Variants in CHN2 observed in about 807,000 individuals in gnomAD.
The protein encoded by CHN2 is beta-chimaerin.
In CHN2, 35 loss-of-function variants were observed where a neutral mutation model predicts 56.3. That is an observed-to-expected ratio of 0.62 (90% CI 0.47 to 0.82). CHN2 has a LOEUF of 0.82. Ranked by LOEUF, CHN2 falls within the 40% of genes least tolerant of loss-of-function variation. CHN2 has a pLI of 0.00. For synonymous variants in CHN2, 210 were observed against 212.8 expected, an observed-to-expected ratio of 0.99 and a Z score of 0.12; for missense variants, 491 against 580.5, an observed-to-expected ratio of 0.85 and a Z score of 1.58.
intron 1 of CHN2, among the ~76,000 whole-genome samples, chr7:29,280,728 T>C (rs1170013799): frequency 1.3e-5 from 2 of 152,200 alleles, no homozygotes; most frequent in African/African-American, 2.4e-5. Flanking sequence ...GGTGTGATCA[T>C]GTGCAAGTCG....
At chr7:29,441,483 T>C (rs1783643348) in intron 6 of CHN2, among the ~76,000 whole-genome samples, 1 of 152,238 alleles carries the variant, frequency 6.6e-6, no homozygotes, top group Non-Finnish European at 1.5e-5. Flanking sequence ...AAATTAAAAC[T>C]TTTGTACATC....
intron 1 of CHN2, among the ~76,000 whole-genome samples, chr7:29,312,335 T>C (rs1794660336): frequency 6.6e-6 from 1 of 152,208 alleles, no homozygotes; most frequent in South Asian, 2.1e-4. Context: ...TTAATTTCCG[T>C]TCCCCTGAAC....
At chr7:29,268,755 A>G (rs1790370603) in intron 1 of CHN2, among the ~76,000 whole-genome samples, 1 of 152,202 alleles carries the variant, frequency 6.6e-6, no homozygotes, top group African/African-American at 2.4e-5. Flanking sequence ...ACCCATCCTC[A>G]GCAGCCTCAC....
intron 1 of CHN2, among the ~76,000 whole-genome samples, chr7:29,232,734 T>A (rs1270806375): frequency 6.6e-6 from 1 of 152,190 alleles, no homozygotes; most frequent in Non-Finnish European, 1.5e-5. Context: ...CACTCACATA[T>A]TTTAGAGTTG....
At chr7:29,235,929 G>A (rs917717441) in intron 1 of CHN2, among the ~76,000 whole-genome samples, 1 of 152,136 alleles carries the variant, frequency 6.6e-6, no homozygotes, top group Non-Finnish European at 1.5e-5. Context: ...ACTACCTATT[G>A]GGTACTATGC....
At position 29,298,026 on chromosome 7, in the gene CHN2, C is replaced by T. The variant is rs73297213; in HGVS notation, c.50-56599C>T. ...GAGGGAGAGAAGGAAGAGCATCTTC[C>T]TTGCATCCCCGAGGCCTTGGTGACT... On this transcript the variant is annotated intron_variant, in intron 1 of 12. Transcript: ENST00000222792. Among the ~76,000 whole-genome samples the T allele has an allele frequency of 9.0e-3, 1,369 of 152,220 alleles. 17 individuals carry two copies. The highest frequency in any genetic ancestry group is 0.032 in the African/African-American group (1,312 of 41,536).
At chr7:29,465,946 G>A (rs908024846) in intron 6 of CHN2, among the ~76,000 whole-genome samples, 2 of 152,230 alleles carry the variant, frequency 1.3e-5, no homozygotes, top group African/African-American at 4.8e-5. Flanking sequence ...GCTCACGCCT[G>A]TGATCCCAGC....
intron 1 of CHN2, chr7:29,212,314 T>G: frequency 7.8e-7 from 1 of 1,286,968 alleles, no homozygotes; most frequent in Non-Finnish European, 1.1e-6. Context: ...AGTGTGGATC[T>G]GGCTTGTCTG....
intron 3 of CHN2, among the ~76,000 whole-genome samples, chr7:29,384,404 T>C (rs989431512): frequency 5.3e-5 from 8 of 152,148 alleles, no homozygotes; most frequent in African/African-American, 1.9e-4. Context: ...AGGCCTTCTT[T>C]TTCCCGACTG....
At chr7:29,375,911 T>C (rs566296597) in intron 3 of CHN2, among the ~76,000 whole-genome samples, 1 of 152,190 alleles carries the variant, frequency 6.6e-6, no homozygotes, top group Non-Finnish European at 1.5e-5. Context: ...AAGGAGCAGG[T>C]GCATAATGCT....
chr7:29,388,018 T>C (rs902453923), intron 3 of CHN2, among the ~76,000 whole-genome samples: 3 of 152,196 alleles, frequency 2.0e-5, no homozygotes, highest in African/African-American at 7.2e-5. Flanking sequence ...TGCTATTAGA[T>C]TGTCAGGTAA....
At chr7:29,342,476 A>G (rs1797116410) in intron 1 of CHN2, among the ~76,000 whole-genome samples, 1 of 152,216 alleles carries the variant, frequency 6.6e-6, no homozygotes, top group South Asian at 2.1e-4. Flanking sequence ...GCCATGATCT[A>G]TGGGTTGCTT....
At chr7:29,458,398 C>T (rs1003489716) in intron 6 of CHN2, among the ~76,000 whole-genome samples, 6 of 152,034 alleles carry the variant, frequency 3.9e-5, no homozygotes, top group African/African-American at 9.6e-5. Flanking sequence ...CACACACACA[C>T]ACACACACAC....
intron 1 of CHN2, among the ~76,000 whole-genome samples, chr7:29,338,920 C>T (rs1289848505): frequency 6.6e-6 from 1 of 152,134 alleles, no homozygotes; most frequent in African/African-American, 2.4e-5. Context: ...TACAAAACAT[C>T]TAACAACGTA....
intron 6 of CHN2, among the ~76,000 whole-genome samples, chr7:29,403,595 T>C (rs1025439101): frequency 2.6e-5 from 4 of 152,038 alleles, no homozygotes; most frequent in Non-Finnish European, 5.9e-5. Flanking sequence ...CCCAGATTTC[T>C]CTCCAGTCAT....
upstream of CHN2, chr7:29,193,845 G>A (rs942001420): frequency 3.9e-5 from 6 of 152,212 alleles, no homozygotes; most frequent in Admixed American, 2.0e-4. Flanking sequence ...GTGTGGGCCT[G>A]ATGACACGTT....
chr7:29,511,674 A>G (rs1268779668), intron 12 of CHN2, among the ~76,000 whole-genome samples: 1 of 152,204 alleles, frequency 6.6e-6, no homozygotes, highest in East Asian at 1.9e-4. Context: ...AAGGAAATAG[A>G]AAGGGATGGC....
Position 29,189,385 on chromosome 7 carries a change from A to C in CHN2, c.274+42425A>C, listed in dbSNP as rs149051378. ...GTAGTAGAGAATGAATATATTGGAT[A>C]TCGTTATGAAAGCAAATTTTCATAG... On this transcript the variant is annotated intron_variant, in intron 2 of 6. Coordinates refer to the CHN2 transcript ENST00000439384. Among the ~76,000 whole-genome samples, 47 of 152,286 alleles carry C rather than the reference A, an allele frequency of 3.1e-4. No homozygotes were observed. The East Asian group carries it at 7.9e-3, about 26-fold the overall frequency.
At chr7:29,231,947 A>G (rs1786748088) in intron 1 of CHN2, among the ~76,000 whole-genome samples, 1 of 152,220 alleles carries the variant, frequency 6.6e-6, no homozygotes, top group Non-Finnish European at 1.5e-5. Flanking sequence ...ATAATATTAC[A>G]GAACTGGTCA....
Sources: allele counts gnomAD v4.1 joint callset (sites outside exome capture counted in the v4.1 genomes callset), GRCh38; gene constraint gnomAD v4.1.1; transcripts MANE v1.5; gene names NCBI Gene and HGNC (gene_info 2026-07-23, HGNC 2026-07-21).